DACH1: variants seen among roughly 807,000 people sequenced by gnomAD.
The protein encoded by DACH1 is dachshund family transcription factor 1.
In DACH1, 12 loss-of-function variants were observed where a neutral mutation model predicts 54.2. The observed-to-expected ratio is 0.22, with a 90% confidence interval of 0.14 to 0.36. The LOEUF is 0.36. DACH1 is among the 10% of genes least tolerant of loss of function. DACH1 has a pLI of 1.00. For missense variants in DACH1, 805 were observed against 929.8 expected (o/e 0.87, Z 1.75); for synonymous variants, 386 against 366.2 (o/e 1.05, Z -0.62).
chr13:71,739,055 C>A (rs943121915), intron 1 of DACH1, among the ~76,000 whole-genome samples: 2 of 151,942 alleles, frequency 1.3e-5, no homozygotes, highest in Non-Finnish European at 2.9e-5. Flanking sequence ...GAGTTCAAGA[C>A]CAGCCTGGCC....
chr13:71,726,626 GTTTAA>G (rs1185536387), intron 1 of DACH1, among the ~76,000 whole-genome samples: 1 of 151,880 alleles, frequency 6.6e-6, no homozygotes, highest in African/African-American at 2.4e-5. Context: ...CATCATTTCA[GTTTAA>G]TTTTAGTATA....
intron 10 of DACH1, among the ~76,000 whole-genome samples, chr13:71,471,046 G>A (rs1877024792): frequency 6.6e-6 from 1 of 152,096 alleles, no homozygotes; most frequent in Non-Finnish European, 1.5e-5. Flanking sequence ...TTTCCAAGCT[G>A]GGACTTAAGG....
At chr13:71,755,812 T>C (rs976336976) in intron 1 of DACH1, among the ~76,000 whole-genome samples, 3 of 152,200 alleles carry the variant, frequency 2.0e-5, no homozygotes, top group African/African-American at 7.2e-5. Flanking sequence ...TCTAAAAGTA[T>C]TTCTTTTAAT....
intron 1 of DACH1, among the ~76,000 whole-genome samples, chr13:71,821,823 G>T (rs956467845): frequency 1.3e-5 from 2 of 152,042 alleles, no homozygotes; most frequent in Non-Finnish European, 2.9e-5. Context: ...AGCACTTTGG[G>T]AAGCTGAGGC....
intron 2 of DACH1, among the ~76,000 whole-genome samples, chr13:71,674,682 T>C (rs1054832613): frequency 9.9e-6 from 1 of 101,238 alleles, no homozygotes. Context: ...TCTGCAAGTA[T>C]AAATTGTGGT....
chr13:71,514,553 TA>T (rs1487053844), intron 6 of DACH1, among the ~76,000 whole-genome samples: 1 of 151,894 alleles, frequency 6.6e-6, no homozygotes, highest in African/African-American at 2.4e-5. Flanking sequence ...ACTATTACTA[TA>T]ACTTTGTTAA....
rs573275858 is a variant in DACH1 at position 71,513,169 on chromosome 13, C to T, written c.1571-24021G>A. On this transcript the variant is annotated intron_variant, in intron 6 of 10. Transcript: ENST00000613252. ...TATGTATTTGCATTCCATTAATGTGCTGAAATCCTTTAAAAGTATGCTCTC... is the reference window on the plus strand; with the variant it reads ...TATGTATTTGCATTCCATTAATGTGTTGAAATCCTTTAAAAGTATGCTCTC... Among the ~76,000 whole-genome samples, 15 of 151,992 alleles carry T rather than the reference C, an allele frequency of 9.9e-5. No individual in the cohort carries two copies. The South Asian group carries it at 3.1e-3, about 32-fold the overall frequency.
At chr13:71,636,169 T>C (rs1205037167) in intron 2 of DACH1, among the ~76,000 whole-genome samples, 1 of 152,156 alleles carries the variant, frequency 6.6e-6, no homozygotes, top group Non-Finnish European at 1.5e-5. Flanking sequence ...ACAGAAGTGA[T>C]GTTCTCCAAG....
rs554371240 is a variant in DACH1 at position 71,824,682 on chromosome 13, TC to T, written c.848+41239del. Reference sequence around the variant, plus strand: ...TGCTTTGGAAAATAACTCTTTCTCGTCCCCAGGGTATTATTTCAATTACTAC... The same window carrying T: ...TGCTTTGGAAAATAACTCTTTCTCGTCCCAGGGTATTATTTCAATTACTAC... On this transcript the variant is annotated intron_variant, in intron 1 of 10. Transcript: ENST00000613252. Among the ~76,000 whole-genome samples, 3 of 152,134 alleles carry T rather than the reference TC, an allele frequency of 2.0e-5. No individual in the cohort carries two copies. In the South Asian group the frequency reaches 6.2e-4, roughly 32 times the overall value.
intron 2 of DACH1, 21 bp from the exon 3 acceptor site, chr13:71,630,738 A>C (rs771702052): frequency 1.9e-6 from 3 of 1,539,872 alleles, no homozygotes; most frequent in Non-Finnish European, 1.7e-6. Context: ...TAAATTAAAA[A>C]TGAGGTAATT....
At chr13:71,862,842 T>TA (rs1455323764) in intron 1 of DACH1, among the ~76,000 whole-genome samples, 2 of 152,192 alleles carry the variant, frequency 1.3e-5, no homozygotes, top group East Asian at 3.9e-4. Flanking sequence ...ATAGTTTCTG[T>TA]AAAAAGCTGA....
chr13:71,590,820 T>C (rs1873645852), intron 3 of DACH1, among the ~76,000 whole-genome samples: 1 of 151,274 alleles, frequency 6.6e-6, no homozygotes, highest in East Asian at 1.9e-4. Context: ...AAAAGTCATC[T>C]ACAATTTCCC....
chr13:71,688,109 T>A (rs1434968529), intron 1 of DACH1, among the ~76,000 whole-genome samples: 1 of 152,212 alleles, frequency 6.6e-6, no homozygotes, highest in Non-Finnish European at 1.5e-5. Context: ...AAAAAGCAGA[T>A]GATTATAAAC....
At chr13:71,688,715 T>C (rs1049817989) in intron 1 of DACH1, among the ~76,000 whole-genome samples, 36 of 152,192 alleles carry the variant, frequency 2.4e-4, no homozygotes, top group African/African-American at 8.7e-4. Context: ...TTTCAGCTTA[T>C]TGGCTCACAA....
intron 1 of DACH1, among the ~76,000 whole-genome samples, chr13:71,790,415 A>C (rs1015976960): frequency 2.6e-5 from 4 of 152,120 alleles, no homozygotes; most frequent in African/African-American, 9.7e-5. Context: ...CTTAAGAAAA[A>C]CGAGAAGTCA....
At chr13:71,730,706 T>A (rs1313002452) in intron 1 of DACH1, among the ~76,000 whole-genome samples, 1 of 152,202 alleles carries the variant, frequency 6.6e-6, no homozygotes, top group Non-Finnish European at 1.5e-5. Flanking sequence ...ATGTACTTTG[T>A]TGTGCACCTG....
intron 4 of DACH1, among the ~76,000 whole-genome samples, chr13:71,567,474 C>A (rs2138401819): frequency 6.6e-6 from 1 of 151,966 alleles, no homozygotes; most frequent in Non-Finnish European, 1.5e-5. Context: ...AGACAGAGGT[C>A]TCACCATAGA....
chr13:71,643,854 G>GA (rs550091772), intron 2 of DACH1, among the ~76,000 whole-genome samples: 39 of 145,104 alleles, frequency 2.7e-4, no homozygotes, highest in Middle Eastern at 3.5e-3. Flanking sequence ...AGGGAAAGAA[G>GA]AAAAAAAAAA....
At chr13:71,700,644 G>A (rs575292422) in intron 1 of DACH1, among the ~76,000 whole-genome samples, 3 of 149,684 alleles carry the variant, frequency 2.0e-5, no homozygotes, top group East Asian at 4.0e-4. Flanking sequence ...AATGAACATA[G>A]TTACATTTAA....
Sources: gnomAD v4.1 joint callset for allele counts (sites outside exome capture counted in the v4.1 genomes callset) on GRCh38, gnomAD v4.1.1 for gene constraint, MANE v1.5 for transcripts, NCBI Gene and HGNC (gene_info 2026-07-23, HGNC 2026-07-21) for gene names.